The following HTR1E variants were observed in gnomAD, a reference collection of about 807,000 sequenced individuals.
The protein encoded by HTR1E is 5-hydroxytryptamine receptor 1E.
A neutral mutation model predicts 3.4 loss-of-function variants in HTR1E; 3 were observed. The observed-to-expected ratio is 0.89, with a 90% CI of 0.41 to 2.31. HTR1E has a LOEUF of 2.31. Among genes scored for constraint, HTR1E ranks in the 30% most tolerant of loss-of-function variants. HTR1E has a pLI of 0.05. For synonymous variants in HTR1E, 170 were observed against 182.8 expected, an observed-to-expected ratio of 0.93 and a Z score of 0.56; for missense variants, 392 against 467.0, an observed-to-expected ratio of 0.84 and a Z score of 1.48.
chr6:86,952,849 A>T (rs947686891), intron 1 of HTR1E, among the ~76,000 whole-genome samples: 1 of 152,192 alleles, frequency 6.6e-6, no homozygotes, highest in Non-Finnish European at 1.5e-5. Context: ...TGATTACAAG[A>T]AGCAAAAATC....
At chr6:86,959,020 A>T (rs904343798) in intron 1 of HTR1E, among the ~76,000 whole-genome samples, 1 of 151,800 alleles carries the variant, frequency 6.6e-6, no homozygotes, top group Non-Finnish European at 1.5e-5. Flanking sequence ...AAATTGGCTC[A>T]CACAGTTGTG....
intron 1 of HTR1E, among the ~76,000 whole-genome samples, chr6:86,953,992 A>G (rs1195490468): frequency 6.6e-6 from 1 of 152,188 alleles, no homozygotes; most frequent in Non-Finnish European, 1.5e-5. Flanking sequence ...ATCCACCCCC[A>G]TGATTCAATT....
chr6:87,010,651 C>G (rs1768214098), intron 1 of HTR1E, among the ~76,000 whole-genome samples: 1 of 147,240 alleles, frequency 6.8e-6, no homozygotes, highest in Admixed American at 6.7e-5. Context: ...GGAGACGCTC[C>G]TCACTTTCCA....
chr6:86,946,512 GC>G (rs1768618624), intron 1 of HTR1E, among the ~76,000 whole-genome samples: 2 of 152,290 alleles, frequency 1.3e-5, no homozygotes, highest in South Asian at 4.2e-4. Flanking sequence ...GCCTAACAAT[GC>G]ATTTCTCAGA....
chr6:86,947,104 G>A (rs1174162173), intron 1 of HTR1E, among the ~76,000 whole-genome samples: 3 of 151,640 alleles, frequency 2.0e-5, no homozygotes, highest in Non-Finnish European at 2.9e-5. Context: ...CAACAAGAGC[G>A]AAACTCTGTC....
intron 1 of HTR1E, among the ~76,000 whole-genome samples, chr6:86,972,115 T>C (rs1767566472): frequency 6.6e-6 from 1 of 152,180 alleles, no homozygotes; most frequent in South Asian, 2.1e-4. Flanking sequence ...CCTACTTTAG[T>C]TGGTGGGATT....
Position 86,961,687 on chromosome 6 carries a change from G to A in HTR1E, c.-186+23864G>A, listed in dbSNP as rs1246836499. 5.3e-5 allele frequency among the ~76,000 whole-genome samples: 8 copies of A among 152,222 alleles called. No homozygotes were observed. The East Asian group carries it at 1.3e-3, about 26-fold the overall frequency. On this transcript the variant is annotated intron_variant, in intron 1 of 1. Coordinates refer to ENST00000305344, the MANE Select transcript of HTR1E (RefSeq NM_000865.3). ...GCAGTGTGCTGAGCAGGAGAAGAGG[G>A]ATGAGGTCATGCCTTTGAGCACCGA...
intron 1 of HTR1E, among the ~76,000 whole-genome samples, chr6:86,995,076 A>G (rs559468643): frequency 9.2e-5 from 14 of 152,212 alleles, no homozygotes; most frequent in African/African-American, 2.9e-4. Flanking sequence ...AAAAACATAA[A>G]CAGTGAAAAC....
intron 1 of HTR1E, among the ~76,000 whole-genome samples, chr6:86,982,648 A>G (rs1334888480): frequency 6.6e-6 from 1 of 152,206 alleles, no homozygotes; most frequent in Non-Finnish European, 1.5e-5. Context: ...AAGGTCCTAA[A>G]CACCAGTCTG....
At chr6:87,010,250 A>G (rs1768192181) in intron 1 of HTR1E, among the ~76,000 whole-genome samples, 1 of 104,298 alleles carries the variant, frequency 9.6e-6, no homozygotes, top group Non-Finnish European at 1.8e-5. Flanking sequence ...CTCACTTCTC[A>G]GTAGGGGCGG....
At chr6:87,009,477 G>A (rs986846767) in intron 1 of HTR1E, among the ~76,000 whole-genome samples, 5 of 151,646 alleles carry the variant, frequency 3.3e-5, no homozygotes, top group South Asian at 2.1e-4. Flanking sequence ...ACACAGACAC[G>A]GCAACCATCC....
chr6:87,003,488 G>C (rs752205230), intron 1 of HTR1E, among the ~76,000 whole-genome samples: 10 of 151,378 alleles, frequency 6.6e-5, no homozygotes, highest in Non-Finnish European at 1.5e-4. Context: ...GCAGTGAGCT[G>C]AGACTGCGCC....
intron 1 of HTR1E, among the ~76,000 whole-genome samples, chr6:86,952,714 T>C (rs1249147623): frequency 2.0e-5 from 3 of 152,204 alleles, no homozygotes; most frequent in African/African-American, 2.4e-5. Context: ...ATAGTCCATC[T>C]TTTCTGTAGA....
At chr6:86,980,332 A>G (rs982284613) in intron 1 of HTR1E, among the ~76,000 whole-genome samples, 5 of 151,412 alleles carry the variant, frequency 3.3e-5, no homozygotes, top group African/African-American at 1.2e-4. Flanking sequence ...GCTTGCAGTG[A>G]GCCAAGATCG....
intron 1 of HTR1E, among the ~76,000 whole-genome samples, chr6:86,959,658 G>C (rs1362195660): frequency 6.6e-6 from 1 of 152,196 alleles, no homozygotes; most frequent in Non-Finnish European, 1.5e-5. Flanking sequence ...AGCCTTAGCT[G>C]TGTAGGTAAC....
chr6:86,971,165 C>G, intron 1 of HTR1E: 2 of 495,594 alleles, frequency 4.0e-6, no homozygotes, highest in Non-Finnish European at 8.0e-6. Flanking sequence ...AAGACCAGAT[C>G]AACAGGCCTA....
At chr6:86,975,412 T>C (rs139571634) in intron 1 of HTR1E, among the ~76,000 whole-genome samples, 2,161 of 152,268 alleles carry the variant, frequency 0.014, 46 homozygotes, top group African/African-American at 0.047. Context: ...TGATTGCACA[T>C]GGACATCCTC....
At chr6:86,994,907 C>T (rs1767914711) in intron 1 of HTR1E, among the ~76,000 whole-genome samples, 1 of 151,654 alleles carries the variant, frequency 6.6e-6, no homozygotes, top group Non-Finnish European at 1.5e-5. Context: ...CTGGTAACAC[C>T]AACAGATGGG....
At chr6:87,010,474 C>T (rs1185412079) in intron 1 of HTR1E, among the ~76,000 whole-genome samples, 1 of 145,484 alleles carries the variant, frequency 6.9e-6, no homozygotes, top group Non-Finnish European at 1.5e-5. Context: ...CAGACGGGGT[C>T]TCGGCCGGGC....
Sources: gnomAD v4.1 joint callset for allele counts (sites outside exome capture counted in the v4.1 genomes callset) on GRCh38, gnomAD v4.1.1 for gene constraint, MANE v1.5 for transcripts, NCBI Gene and HGNC (gene_info 2026-07-23, HGNC 2026-07-21) for gene names.